Variants in DALRD3 observed in about 807,000 individuals in gnomAD.
The protein encoded by DALRD3 is DALR anticodon-binding domain-containing protein 3.
DALRD3 carries 47 observed loss-of-function variants against 56.7 expected under a neutral mutation model. The ratio of observed to expected loss-of-function variants is 0.83; its 90% CI spans 0.66 to 1.06. DALRD3 has a LOEUF of 1.06. DALRD3 is among the 50% of genes least tolerant of loss of function. DALRD3 has a pLI of 0.00. For synonymous variants in DALRD3, 347 were observed against 308.5 expected, an observed-to-expected ratio of 1.12 and a Z score of -1.31; for missense variants, 787 against 724.0, an observed-to-expected ratio of 1.09 and a Z score of -1.00.
upstream of DALRD3, chr3:49,020,390 C>A: frequency 2.4e-6 from 1 of 410,622 alleles, no homozygotes. Context: ...CGGGCTGAGG[C>A]AGCCCTGGGG....
chr3:49,020,818 C>T (rs2093149280), upstream of DALRD3: 1 of 381,372 alleles, frequency 2.6e-6, no homozygotes, highest in Admixed American at 3.1e-5. Context: ...GGTTGTGAAA[C>T]GGAGTCTAGA....
upstream of DALRD3, chr3:49,020,740 A>C (rs764240631): frequency 2.2e-6 from 1 of 464,754 alleles, no homozygotes; most frequent in South Asian, 1.6e-5. Context: ...TCCTGCCCCC[A>C]GGTCACTCGC....
rs2093117810 is a variant in DALRD3 at position 49,018,408 on chromosome 3, C to T, written c.157G>A (p.Asp53Asn). 1.9e-6 allele frequency: 3 copies of T among 1,570,692 alleles called. No individual in the cohort carries two copies. The highest frequency in any genetic ancestry group is 1.2e-5 in the South Asian group (1 of 86,488). Residue 53 changes from aspartate to asparagine, a missense_variant, in exon 1 of 12, where the codon GAC (aspartate) becomes AAC (asparagine). Asp to Asn is a conservative substitution (Grantham distance 23, BLOSUM62 1). Transcript: ENST00000341949. ...PHRALQARFD[D>N]GQVPEHLLHA... is the part of the protein sequence containing the mutation. ...GCCCGGCTCACGCCCACCTGGCCGT[C>T]ATCGAAGCGCGCCTGCAGCGCGCGG...
At position 49,018,031 on chromosome 3, in the gene DALRD3, G is replaced by A; in HGVS notation, c.453C>T (p.Arg151=). 1 of 1,485,590 alleles carries A rather than the reference G, an allele frequency of 6.7e-7. No individual in the cohort carries two copies. The highest frequency in any genetic ancestry group is 8.9e-7 in the Non-Finnish European group (1 of 1,128,294). The allele number at this position is 1,485,590 out of a possible 1,614,324, so 92.0% of individuals were successfully genotyped here. A position where few individuals can be genotyped will look rare whatever the true frequency, so the allele number is the denominator to read the frequency against. The change falls in exon 2 of 12, where the codon CGC becomes CGT. Residue 151 remains arginine (R), a synonymous_variant. Coordinates refer to ENST00000341949, the MANE Select transcript of DALRD3 (RefSeq NM_001009996.3). The part of the protein sequence containing the change: ...LVADHLARAL[R]AHGVCVRLVP... ...CCCGCGGCCCCGCTCACCCGTGAGCGCGCAGGGCTCGCGCCAGGTGATCGG... is the reference window on the plus strand; with the variant it reads ...CCCGCGGCCCCGCTCACCCGTGAGCACGCAGGGCTCGCGCCAGGTGATCGG...
At chr3:49,015,945 T>TAG in intron 10 of DALRD3, 28 bp downstream of exon 10, 1 of 1,614,176 alleles carries the variant, frequency 6.2e-7, no homozygotes, top group Non-Finnish European at 8.5e-7. Context: ...GAATAGAGTG[T>TAG]AGAGTGTCCT....
Position 49,016,531 on chromosome 3 carries a change from G to A in DALRD3, c.1064-20C>T. Reference sequence around the variant, plus strand: ...CTGGGTCTGAGGGAGTATAGGGTTGGTCAGTCAGTCTGCAGGCAAGGGCAG... The same window carrying A: ...CTGGGTCTGAGGGAGTATAGGGTTGATCAGTCAGTCTGCAGGCAAGGGCAG... On this transcript the variant is annotated intron_variant, in intron 7 of 11. Transcript: ENST00000341949. The A allele has an allele frequency of 1.2e-6, 2 of 1,610,816 alleles. No individual in the cohort carries two copies. Among genetic ancestry groups the A allele is most frequent in the Non-Finnish European group, 8.5e-7 (1 of 1,178,568 alleles).
rs958201618 is a variant in DALRD3 at position 49,015,726 on chromosome 3, G to A, written c.1513-19C>T. 2 of 1,614,090 alleles carry A rather than the reference G, an allele frequency of 1.2e-6. No homozygotes were observed. The highest frequency in any genetic ancestry group is 1.7e-6 in the Non-Finnish European group (2 of 1,180,016). On this transcript the variant is annotated intron_variant, in intron 11 of 11. Transcript: ENST00000341949. ...GAGGCTCCTGAAAGAGAAAGGGCCT[G>A]CTGGTCTCATCCTCTGCTTCCTTTG...
chr3:49,017,251 C>T lies in DALRD3; in HGVS notation c.904G>A (p.Val302Ile), dbSNP rs776878043. ...QKLDLLWQKL[V>I]DKAPLRQKHL... is the part of the protein sequence containing the mutation. ...ACCTGTCTGAGTGGAGCCTTGTCAA[C>T]CAACTTCTGCCAAAGCAGGTCCAAC... The change falls in exon 5 of 12, where the codon GTT (valine) becomes ATT (isoleucine). Residue 302 changes from valine to isoleucine, a missense_variant. Coordinates refer to ENST00000341949, the MANE Select transcript of DALRD3 (RefSeq NM_001009996.3). 4 of 1,614,188 alleles carry T rather than the reference C, an allele frequency of 2.5e-6. No individual in the cohort carries two copies. The highest frequency in any genetic ancestry group is 2.5e-6 in the Non-Finnish European group (3 of 1,180,018).
chr3:49,017,558 A>G, intron 3 of DALRD3, 45 bp from the exon 4 acceptor site: 2 of 1,614,122 alleles, frequency 1.2e-6, no homozygotes, highest in African/African-American at 2.7e-5. Context: ...AGAAGCAGAG[A>G]TGTGCCCCTA....
At chr3:49,019,837 G>C (rs980608645), upstream of DALRD3, among the ~76,000 whole-genome samples, 1 of 152,228 alleles carries the variant, frequency 6.6e-6, no homozygotes, top group African/African-American at 2.4e-5. Flanking sequence ...GATCCTTAAA[G>C]CTTCCTGTTT....
At chr3:49,020,282 A>C (rs1263249496), upstream of DALRD3, 2 of 523,686 alleles carry the variant, frequency 3.8e-6, no homozygotes, top group Non-Finnish European at 7.9e-6. Flanking sequence ...CAGGGTTGGG[A>C]ACCCTCAGTC....
chr3:49,017,548 A>G (rs1339679781), intron 3 of DALRD3, 35 bp from the exon 4 acceptor site: 2 of 1,614,152 alleles, frequency 1.2e-6, no homozygotes, highest in South Asian at 2.2e-5. Context: ...GAGACTGACA[A>G]GAAGCAGAGA....
chr3:49,018,411 C>G lies in DALRD3; in HGVS notation c.154G>C (p.Asp52His). The G allele has an allele frequency of 1.3e-6, 2 of 1,572,218 alleles. No individual in the cohort carries two copies. The highest frequency in any genetic ancestry group is 8.6e-7 in the Non-Finnish European group (1 of 1,160,792). The part of the protein sequence containing the change: ...APHRALQARF[D>H]DGQVPEHLLH... ...CGGCTCACGCCCACCTGGCCGTCAT[C>G]GAAGCGCGCCTGCAGCGCGCGGTGC... Residue 52 changes from aspartate (D) to histidine (H), a missense_variant, in exon 1 of 12, where the codon GAT (aspartate) becomes CAT (histidine). Physicochemically the swap from Asp to His is moderately conservative, Grantham distance 81. Coordinates refer to ENST00000341949, the MANE Select transcript of DALRD3 (RefSeq NM_001009996.3).
chr3:49,018,576 G>T lies in DALRD3; in HGVS notation c.-12C>A, dbSNP rs2093122432. On this transcript the variant is annotated 5_prime_UTR_variant, in exon 1 of 12. Transcript: ENST00000341949. Reference sequence around the variant, plus strand: ...CGCCTGGTCGCCATGGTGACCGGAAGGAGTAAGCGGAACCGGAAAAAAATT... The same window carrying T: ...CGCCTGGTCGCCATGGTGACCGGAATGAGTAAGCGGAACCGGAAAAAAATT... 1 of 1,546,666 alleles carries T rather than the reference G, an allele frequency of 6.5e-7. No homozygotes were observed. Among genetic ancestry groups the T allele is most frequent in the African/African-American group, 1.4e-5 (1 of 71,570 alleles).
At chr3:49,020,244 G>C, upstream of DALRD3, 1 of 534,484 alleles carries the variant, frequency 1.9e-6, no homozygotes, top group Non-Finnish European at 3.8e-6. Flanking sequence ...CCATTCTGAA[G>C]GTGCATGACC....
chr3:49,016,567 A>T, intron 7 of DALRD3, 45 bp downstream of exon 7: 1 of 1,596,212 alleles, frequency 6.3e-7, no homozygotes, highest in Non-Finnish European at 8.5e-7. Flanking sequence ...GGATGCAAAA[A>T]ACCTGCCCCT....
Position 49,016,439 on chromosome 3 carries a change from G to A in DALRD3, c.1136C>T (p.Pro379Leu). ...TIKFEMLSTA[P>L]QSQLFLALAD... ...GGCTCCCAGGCTCACCTGACTCTGTGGGGCTGTGCTCAGCATCTCAAACTT... is the reference window on the plus strand; with the variant it reads ...GGCTCCCAGGCTCACCTGACTCTGTAGGGCTGTGCTCAGCATCTCAAACTT... Residue 379 changes from proline to leucine, a missense_variant, in exon 8 of 12, where the codon CCA becomes CTA. Coordinates refer to ENST00000341949, the MANE Select transcript of DALRD3 (RefSeq NM_001009996.3). 1 of 1,613,712 alleles carries A rather than the reference G, an allele frequency of 6.2e-7. No homozygotes were observed. Among genetic ancestry groups the A allele is most frequent in the Non-Finnish European group, 8.5e-7 (1 of 1,179,818 alleles).
chr3:49,017,313 T>C lies in DALRD3; in HGVS notation c.842A>G (p.His281Arg), dbSNP rs1441998641. Reference sequence around the variant, plus strand: ...GAACTCCTCCTCACAGCTAACAACATGTACAACCAGGCAGCCGCCTGTACC... The same window carrying C: ...GAACTCCTCCTCACAGCTAACAACACGTACAACCAGGCAGCCGCCTGTACC... Reference protein sequence around the residue: ...DTGTGGCLVVHVVSCEEEFQQ... With the variant: ...DTGTGGCLVVRVVSCEEEFQQ... The change falls in exon 5 of 12, where the codon CAT becomes CGT. Residue 281 changes from histidine (H) to arginine (R), a missense_variant. Physicochemically the swap from His to Arg is conservative, Grantham distance 29 (BLOSUM62 0). Transcript: ENST00000341949. 1 of 1,614,176 alleles carries C rather than the reference T, an allele frequency of 6.2e-7. No homozygotes were observed. Among genetic ancestry groups the C allele is most frequent in the African/African-American group, 1.3e-5 (1 of 75,036 alleles).
Position 49,017,748 on chromosome 3 carries a change from C to T in DALRD3, c.583G>A (p.Ala195Thr), listed in dbSNP as rs1284841937. Residue 195 changes from alanine (A) to threonine (T), a missense_variant, in exon 3 of 12, where the codon GCC (alanine) becomes ACC (threonine). Transcript: ENST00000341949. The part of the protein sequence containing the change: ...RASSHTLRSH[A>T]LEELTSANDG... ...TTAGCAGAGGTAAGTTCTTCAAGGG[C>T]GTGGCTCCTCAGGGTGTGGGAGGAA... 4.3e-6 allele frequency: 7 copies of T among 1,613,902 alleles called. No individual in the cohort carries two copies. The highest frequency in any genetic ancestry group is 3.3e-4 in the Middle Eastern group (2 of 6,082).
Sources: gnomAD v4.1 joint callset for allele counts (sites outside exome capture counted in the v4.1 genomes callset) on GRCh38, gnomAD v4.1.1 for gene constraint, MANE v1.5 for transcripts, NCBI Gene and HGNC (gene_info 2026-07-23, HGNC 2026-07-21) for gene names.